EPHA5: variants seen among roughly 807,000 people sequenced by gnomAD.
EPHA5 encodes the protein ephrin type-A receptor 5.
Under a neutral mutation model 105.0 loss-of-function variants are expected in EPHA5, and 60 were observed. The observed-to-expected ratio is 0.57, with a 90% CI of 0.46 to 0.71. The LOEUF is 0.71. EPHA5 is among the 30% of genes least tolerant of loss of function. EPHA5 has a pLI of 0.00. For synonymous variants in EPHA5, 513 were observed against 449.1 expected, an observed-to-expected ratio of 1.14 and a Z score of -1.80; for missense variants, 1,218 against 1,274.7, an observed-to-expected ratio of 0.96 and a Z score of 0.68.
chr4:65,518,517 C>T lies in EPHA5; in HGVS notation c.911-22974G>A, dbSNP rs4320185. ...CTCCAAACTTTGCAATCACCAACTA[C>T]ATCCAAATTGGGCAGTATAAACATT... On this transcript the variant is annotated intron_variant, in intron 3 of 16. Coordinates refer to ENST00000613740, the MANE Select transcript of EPHA5 (RefSeq NM_001281766.3). Among the ~76,000 whole-genome samples the T allele has an allele frequency of 1.8e-4, 28 of 151,940 alleles. 1 individual carries two copies. The East Asian group carries it at 4.8e-3, about 26-fold the overall frequency.
At position 65,322,323 on chromosome 4, in the gene EPHA5, T is replaced by A. The variant is rs950294424; in HGVS notation, c.*1791A>T. 2 of 224,460 alleles carry A rather than the reference T, an allele frequency of 8.9e-6. No individual in the cohort carries two copies. Among genetic ancestry groups the A allele is most frequent in the Non-Finnish European group, 1.8e-5 (2 of 112,502 alleles). 13.9% of individuals were successfully genotyped at this position (224,460 alleles called of 1,614,324 possible). On this transcript the variant is annotated 3_prime_UTR_variant, in exon 17 of 17. Transcript: ENST00000613740. ...GTTATTTCCCAAAAGTTTATTCTTA[T>A]ATGTGCTAATATTCAAATAAAACAA...
chr4:65,634,922 C>T (rs1416656841), intron 2 of EPHA5, among the ~76,000 whole-genome samples: 1 of 151,962 alleles, frequency 6.6e-6, no homozygotes, highest in East Asian at 1.9e-4. Flanking sequence ...AGTTCAAATG[C>T]TTCTCCTTAT....
chr4:65,348,681 T>G (rs1486104765), intron 13 of EPHA5, among the ~76,000 whole-genome samples: 1 of 80,664 alleles, frequency 1.2e-5, no homozygotes, highest in East Asian at 3.5e-4. Flanking sequence ...TATATATATA[T>G]ATATATATAT....
At chr4:65,468,963 G>A (rs757120506) in intron 5 of EPHA5, among the ~76,000 whole-genome samples, 1 of 151,942 alleles carries the variant, frequency 6.6e-6, no homozygotes, top group African/African-American at 2.4e-5. Context: ...AAGTCTGTGG[G>A]GAAGGAGCCA....
At chr4:65,532,592 A>G (rs1049303565) in intron 3 of EPHA5, among the ~76,000 whole-genome samples, 3 of 100,880 alleles carry the variant, frequency 3.0e-5, no homozygotes, top group African/African-American at 1.2e-4. Flanking sequence ...ATCATTTATT[A>G]TTTTTCCAAT....
chr4:65,573,985 T>C, intron 3 of EPHA5: 2 of 1,593,064 alleles, frequency 1.3e-6, no homozygotes, highest in African/African-American at 2.7e-5. Flanking sequence ...TTATTACTTG[T>C]GACTGGACCT....
intron 3 of EPHA5, among the ~76,000 whole-genome samples, chr4:65,578,067 G>A (rs550356394): frequency 1.3e-5 from 2 of 152,168 alleles, no homozygotes; most frequent in African/African-American, 4.8e-5. Context: ...TACTTCTTGG[G>A]ATATCTCTAT....
At position 65,402,625 on chromosome 4, in the gene EPHA5, A is replaced by G. The variant is rs190308760; in HGVS notation, c.1793+1749T>C. Among the ~76,000 whole-genome samples the G allele has an allele frequency of 1.8e-4, 28 of 152,286 alleles. No individual in the cohort carries two copies. In the East Asian group the frequency reaches 5.0e-3, roughly 27 times the overall value. Reference sequence around the variant, plus strand: ...TTCATTTCTCCTAAGTGCACACACAACAAATACAGAATCTTCTTATAACCT... The same window carrying G: ...TTCATTTCTCCTAAGTGCACACACAGCAAATACAGAATCTTCTTATAACCT... On this transcript the variant is annotated intron_variant, in intron 8 of 16. Transcript: ENST00000613740.
intron 2 of EPHA5, among the ~76,000 whole-genome samples, chr4:65,640,246 C>T (rs1406460773): frequency 6.7e-6 from 1 of 150,298 alleles, no homozygotes; most frequent in Non-Finnish European, 1.5e-5. Context: ...TTTTCAATGG[C>T]CATGTGTAGA....
At chr4:65,643,493 AAT>A in intron 1 of EPHA5, 66 bp from the exon 2 acceptor site, 1 of 1,318,046 alleles carries the variant, frequency 7.6e-7, no homozygotes, top group South Asian at 1.2e-5. Flanking sequence ...TCTCTATTTT[AAT>A]AGTGTTATTA....
At chr4:65,536,453 T>C (rs1736297310) in intron 3 of EPHA5, among the ~76,000 whole-genome samples, 1 of 151,910 alleles carries the variant, frequency 6.6e-6, no homozygotes, top group Admixed American at 6.6e-5. Context: ...TGAAACCATA[T>C]ATATTTTTTT....
chr4:65,618,328 T>C (rs1473315241), intron 2 of EPHA5, among the ~76,000 whole-genome samples: 4 of 152,146 alleles, frequency 2.6e-5, no homozygotes, highest in Non-Finnish European at 5.9e-5. Context: ...AACATGTAAA[T>C]GGTATCAAAA....
chr4:65,500,823 GTA>G (rs34256025), intron 3 of EPHA5, among the ~76,000 whole-genome samples: 102,466 of 147,904 alleles, frequency 0.69, 35,406 homozygotes, highest in East Asian at 0.82. Flanking sequence ...ATATGTGTGC[GTA>G]TATATATATA....
At chr4:65,493,540 A>T (rs920257072) in intron 4 of EPHA5, among the ~76,000 whole-genome samples, 1 of 152,188 alleles carries the variant, frequency 6.6e-6, no homozygotes. Flanking sequence ...CTAAAAACAT[A>T]CACACACACT....
chr4:65,390,017 TG>T (rs1388028687), intron 8 of EPHA5, among the ~76,000 whole-genome samples: 1 of 152,064 alleles, frequency 6.6e-6, no homozygotes, highest in Non-Finnish European at 1.5e-5. Flanking sequence ...TGGCTTTCAT[TG>T]CATTTCAACC....
chr4:65,578,711 T>C (rs1250605329), intron 3 of EPHA5, among the ~76,000 whole-genome samples: 1 of 152,218 alleles, frequency 6.6e-6, no homozygotes, highest in East Asian at 1.9e-4. Flanking sequence ...TTAGAAAATA[T>C]GTCTTTGAGG....
At chr4:65,576,002 GAAAGAA>G (rs752164613) in intron 3 of EPHA5, among the ~76,000 whole-genome samples, 26 of 51,696 alleles carry the variant, frequency 5.0e-4, no homozygotes, top group African/African-American at 1.4e-3. Flanking sequence ...GAGAGAGAGA[GAAAGAA>G]AGAAAGAAAG....
chr4:65,426,859 G>C (rs1182635541), intron 5 of EPHA5, among the ~76,000 whole-genome samples: 1 of 151,914 alleles, frequency 6.6e-6, no homozygotes, highest in Non-Finnish European at 1.5e-5. Flanking sequence ...TTTTGGCACA[G>C]CACAATATAG....
intron 3 of EPHA5, among the ~76,000 whole-genome samples, chr4:65,563,330 G>A (rs1013560060): frequency 1.3e-5 from 2 of 152,030 alleles, no homozygotes; most frequent in African/African-American, 4.8e-5. Flanking sequence ...GAAGTCTTCA[G>A]TTCCTTCACT....
Sources: allele counts gnomAD v4.1 joint callset (sites outside exome capture counted in the v4.1 genomes callset), GRCh38; gene constraint gnomAD v4.1.1; transcripts MANE v1.5; gene names NCBI Gene and HGNC (gene_info 2026-07-23, HGNC 2026-07-21).